The following HEPACAM2 variants were observed in gnomAD, a reference collection of about 807,000 sequenced individuals.
HEPACAM2 encodes the protein mitotic kinetics regulator.
HEPACAM2 carries 49 observed loss-of-function variants against 49.6 expected under a neutral mutation model. The observed-to-expected ratio is 0.99, with a 90% confidence interval of 0.78 to 1.25. The LOEUF (loss-of-function observed/expected upper bound fraction) is 1.25, where lower values mean the gene tolerates loss of function less well. Ranked by LOEUF, HEPACAM2 falls within the 50% of genes most tolerant of loss-of-function variation. The pLI is 0.00. For synonymous variants in HEPACAM2, 197 were observed against 202.9 expected (o/e 0.97, Z 0.25); for missense variants, 525 against 557.2 (o/e 0.94, Z 0.58).
intron 1 of HEPACAM2, among the ~76,000 whole-genome samples, chr7:93,224,239 C>G (rs185870033): frequency 3.1e-4 from 47 of 151,878 alleles, no homozygotes; most frequent in African/African-American, 1.1e-3. Flanking sequence ...CCAGCTTGGG[C>G]AACACAGCGA....
At chr7:93,214,135 T>C (rs1351241185) in intron 3 of HEPACAM2, among the ~76,000 whole-genome samples, 1 of 152,146 alleles carries the variant, frequency 6.6e-6, no homozygotes, top group Non-Finnish European at 1.5e-5. Flanking sequence ...GTACATGTTA[T>C]ATGGTAGGTA....
At chr7:93,218,898 T>C (rs977780207) in intron 2 of HEPACAM2, among the ~76,000 whole-genome samples, 1 of 152,212 alleles carries the variant, frequency 6.6e-6, no homozygotes, top group Admixed American at 6.5e-5. Context: ...GGTATATCTC[T>C]TATGTGCATG....
chr7:93,197,914 T>A (rs1045824617), intron 4 of HEPACAM2, among the ~76,000 whole-genome samples: 1 of 152,238 alleles, frequency 6.6e-6, no homozygotes, highest in East Asian at 1.9e-4. Flanking sequence ...CCACCTTAGA[T>A]CTGTTTCATC....
In HEPACAM2 at chr7:93,204,560, C is replaced by T. The variant is rs534833660; in HGVS notation, c.1012+4020G>A. On this transcript the variant is annotated intron_variant, in intron 4 of 9. Coordinates refer to ENST00000394468, the MANE Select transcript of HEPACAM2 (RefSeq NM_001039372.4). ...TCTTTTCTTGAAATGTTATCATAGA[C>T]ATTATTTTCAGTTACAAGTATTTCC... Among the ~76,000 whole-genome samples, 69 of 152,040 alleles carry T rather than the reference C, an allele frequency of 4.5e-4. 1 individual carries two copies. Among genetic ancestry groups the T allele is most frequent in the Non-Finnish European group, 7.8e-4 (53 of 67,984 alleles).
chr7:93,196,417 C>T lies in HEPACAM2; in HGVS notation c.1202-516G>A, dbSNP rs183889392. On this transcript the variant is annotated intron_variant, in intron 7 of 9. Transcript: ENST00000394468. ...TAAACTATCATCTATAGAATGATGG[C>T]GGGGGAGGTGGTTAGGAGGAACCAG... 5.5e-4 allele frequency among the ~76,000 whole-genome samples: 83 copies of T among 152,118 alleles called. No individual in the cohort carries two copies. The East Asian group carries it at 8.7e-3, about 16-fold the overall frequency.
intron 8 of HEPACAM2, 136 bp downstream of exon 8, chr7:93,195,692 A>T (rs951025260): frequency 1.3e-5 from 9 of 670,842 alleles, no homozygotes; most frequent in Middle Eastern, 2.5e-4. Flanking sequence ...ATTACGGAGT[A>T]AGTCAACACT....
intron 4 of HEPACAM2, among the ~76,000 whole-genome samples, chr7:93,204,683 T>C (rs1793985347): frequency 6.6e-6 from 1 of 152,134 alleles, no homozygotes; most frequent in Admixed American, 6.6e-5. Context: ...AAAGTACACG[T>C]ACATAGCATT....
At chr7:93,232,230 C>A in the HEPACAM2 span, 1 of 492,102 alleles carries the variant, frequency 2.0e-6, no homozygotes, top group Non-Finnish European at 3.7e-6. Context: ...ACTGAAGCAC[C>A]CGCTCTTTTG....
rs80158728 is a variant in HEPACAM2, at chr7:93,194,921, C to CTTTTTTTTTTTTTTT, written c.1275+892_1275+906dup. The stretch of plus-strand genomic sequence containing the variant: ...AGAAAAACTGATTACTTTAAAAGAT[C>CTTTTTTTTTTTTTTT]TTTTTTTTTTTTTTTTTTCCGGACT... On this transcript the variant is annotated intron_variant, in intron 8 of 9. Transcript: ENST00000394468. Among the ~76,000 whole-genome samples the CTTTTTTTTTTTTTTT allele has an allele frequency of 1.1e-4, 13 of 118,168 alleles. 1 individual carries two copies. Among genetic ancestry groups the CTTTTTTTTTTTTTTT allele is most frequent in the East Asian group, 5.7e-4 (2 of 3,484 alleles). 77.5% of individuals were successfully genotyped at this position (118,168 alleles called of 152,430 possible). A position where few individuals can be genotyped will look rare whatever the true frequency, so the allele number is the denominator to read the frequency against.
intron 8 of HEPACAM2, among the ~76,000 whole-genome samples, chr7:93,193,519 G>A (rs1793608871): frequency 6.6e-6 from 1 of 152,128 alleles, no homozygotes; most frequent in Non-Finnish European, 1.5e-5. Flanking sequence ...TCCTGAAAGA[G>A]GTGCTAAATG....
At chr7:93,209,826 G>T (rs1431792395) in intron 3 of HEPACAM2, among the ~76,000 whole-genome samples, 1 of 151,764 alleles carries the variant, frequency 6.6e-6, no homozygotes, top group Non-Finnish European at 1.5e-5. Context: ...AAAAGACATT[G>T]TTTCACATGG....
At chr7:93,203,532 G>A (rs928682898) in intron 4 of HEPACAM2, among the ~76,000 whole-genome samples, 1 of 152,092 alleles carries the variant, frequency 6.6e-6, no homozygotes, top group African/African-American at 2.4e-5. Context: ...TCCTTTCAGA[G>A]AGTTTATACT....
chr7:93,189,743 G>C (rs1793494185), intron 9 of HEPACAM2, among the ~76,000 whole-genome samples: 1 of 151,908 alleles, frequency 6.6e-6, no homozygotes, highest in Admixed American at 6.6e-5. Context: ...AAGAGCCAAA[G>C]AATAAAATTG....
chr7:93,195,942 T>C (rs759504009), intron 7 of HEPACAM2, 41 bp from the exon 8 acceptor site: 1 of 1,397,654 alleles, frequency 7.2e-7, no homozygotes, highest in Admixed American at 1.7e-5. Context: ...CCGAATGCCT[T>C]GATTTGCTGT....
At chr7:93,206,281 C>A (rs1019138136) in intron 4 of HEPACAM2, among the ~76,000 whole-genome samples, 2 of 151,848 alleles carry the variant, frequency 1.3e-5, no homozygotes. Flanking sequence ...TCTGGTTAAG[C>A]CTATAAAAAT....
Position 93,215,677 on chromosome 7 carries a change from T to C in HEPACAM2, c.439A>G (p.Thr147Ala). Residue 147 changes from threonine to alanine, a missense_variant, in exon 3 of 10, where the codon ACA becomes GCA. Thr to Ala is a moderately conservative substitution (Grantham distance 58). Transcript: ENST00000394468. The stretch of plus-strand genomic sequence containing the variant: ...GGATGAATCTGCACCACTGGCTTTG[T>C]GACAGGATCTGCAATATTAAGAGAG... ...KIQVTVDDPVTKPVVQIHPPS... is the reference protein window; with the variant it reads ...KIQVTVDDPVAKPVVQIHPPS... 6.2e-7 allele frequency: 1 copy of C among 1,612,866 alleles called. No individual in the cohort carries two copies. The highest frequency in any genetic ancestry group is 1.1e-5 in the South Asian group (1 of 91,016).
chr7:93,226,578 T>C (rs1794546267), upstream of HEPACAM2: 1 of 662,548 alleles, frequency 1.5e-6, no homozygotes, highest in South Asian at 1.8e-5. Context: ...AATGAATGTG[T>C]ATACAAAGGA....
intron 1 of HEPACAM2, among the ~76,000 whole-genome samples, chr7:93,223,020 G>T (rs1794479041): frequency 6.6e-6 from 1 of 152,156 alleles, no homozygotes; most frequent in Admixed American, 6.5e-5. Context: ...GAATGCACTG[G>T]AAAAAGCTGC....
At position 93,197,409 on chromosome 7, in the gene HEPACAM2, A is replaced by G; in HGVS notation, c.1139-12T>C. On this transcript the variant is annotated splice_polypyrimidine_tract_variant and intron_variant, in intron 5 of 9. Transcript: ENST00000394468. ...TTTCTGTTTTATAACTAAAATCAAGAGAGAAGAAAAATGGTAAGGTTTTTT... is the reference window on the plus strand; with the variant it reads ...TTTCTGTTTTATAACTAAAATCAAGGGAGAAGAAAAATGGTAAGGTTTTTT... 1 of 1,591,628 alleles carries G rather than the reference A, an allele frequency of 6.3e-7. No individual in the cohort carries two copies. The highest frequency in any genetic ancestry group is 1.7e-4 in the Middle Eastern group (1 of 5,928).
Sources: allele counts gnomAD v4.1 joint callset (sites outside exome capture counted in the v4.1 genomes callset), GRCh38; gene constraint gnomAD v4.1.1; transcripts MANE v1.5; gene names NCBI Gene and HGNC (gene_info 2026-07-23, HGNC 2026-07-21).